TRAPPC9: variants seen among roughly 807,000 people sequenced by gnomAD.
The protein encoded by TRAPPC9 is IKK2 binding protein.
In TRAPPC9, 83 loss-of-function variants were observed where a neutral mutation model predicts 124.0. The observed-to-expected ratio is 0.67, with a 90% confidence interval of 0.56 to 0.80. The LOEUF (loss-of-function observed/expected upper bound fraction) is 0.80. Among genes scored for constraint, TRAPPC9 ranks in the 30% least tolerant of loss-of-function variants. TRAPPC9 has a pLI of 0.00. For synonymous variants in TRAPPC9, 638 were observed against 617.5 expected (o/e 1.03, Z -0.49); for missense variants, 1,302 against 1,508.3 (o/e 0.86, Z 2.27).
chr8:140,305,982 G>A (rs1164002222), intron 10 of TRAPPC9, among the ~76,000 whole-genome samples: 2 of 152,174 alleles, frequency 1.3e-5, no homozygotes, highest in East Asian at 1.9e-4. Flanking sequence ...CATGAAGGGG[G>A]TTTATTGGTG....
At chr8:140,334,803 T>G (rs886692842) in intron 9 of TRAPPC9, among the ~76,000 whole-genome samples, 3 of 151,950 alleles carry the variant, frequency 2.0e-5, no homozygotes, top group Admixed American at 2.0e-4. Context: ...GGGAATCGGA[T>G]AGGTAAATTA....
At chr8:140,270,541 G>C (rs1275498372) in intron 15 of TRAPPC9, among the ~76,000 whole-genome samples, 1 of 152,214 alleles carries the variant, frequency 6.6e-6, no homozygotes, top group Non-Finnish European at 1.5e-5. Flanking sequence ...ATTAGAGAAA[G>C]AGACCAATAA....
chr8:140,334,346 T>C (rs796269615), intron 9 of TRAPPC9, among the ~76,000 whole-genome samples: 5 of 151,760 alleles, frequency 3.3e-5, no homozygotes, highest in African/African-American at 1.2e-4. Context: ...AGAAAGGCAA[T>C]GTGAAATTAA....
rs1383817207 is a variant in TRAPPC9 at position 140,182,339 on chromosome 8, A to G, written c.2556+39120T>C. 1.3e-5 allele frequency among the ~76,000 whole-genome samples: 2 copies of G among 152,162 alleles called. No individual in the cohort carries two copies. Among genetic ancestry groups the G allele is most frequent in the Non-Finnish European group, 2.9e-5 (2 of 68,022 alleles). On this transcript the variant is annotated intron_variant, in intron 17 of 22. Transcript: ENST00000438773. This position sits in a 1 kb window ranked among gnomAD's most constrained non-coding sequence, Gnocchi z 4.0. Reference sequence around the variant, plus strand: ...CTACATATTTCAACTAAAAAAAAAAAAAAATACGGCTTGGGAATGTTGGCT... The same window carrying G: ...CTACATATTTCAACTAAAAAAAAAAGAAAATACGGCTTGGGAATGTTGGCT...
At chr8:139,824,764 T>C (rs1004162392) in intron 21 of TRAPPC9, among the ~76,000 whole-genome samples, 1 of 152,118 alleles carries the variant, frequency 6.6e-6, no homozygotes, top group African/African-American at 2.4e-5. Flanking sequence ...GGTTTTGCCA[T>C]GTTGGCAAGG....
chr8:139,893,583 G>A (rs1023202282), intron 20 of TRAPPC9, among the ~76,000 whole-genome samples: 2 of 152,226 alleles, frequency 1.3e-5, no homozygotes, highest in African/African-American at 4.8e-5. Context: ...CATAAACATG[G>A]ATTAAATAAT....
chr8:139,796,771 A>G (rs186088266), intron 21 of TRAPPC9, among the ~76,000 whole-genome samples: 2 of 152,358 alleles, frequency 1.3e-5, no homozygotes, highest in East Asian at 3.9e-4. Context: ...ATCCAGAAGT[A>G]GAAGTTCTGG....
chr8:140,071,337 G>C (rs769152191), intron 17 of TRAPPC9, among the ~76,000 whole-genome samples: 3 of 152,184 alleles, frequency 2.0e-5, no homozygotes, highest in Non-Finnish European at 2.9e-5. Context: ...CGGTCATGCT[G>C]CTCAGTCCCT....
intron 5 of TRAPPC9, among the ~76,000 whole-genome samples, chr8:140,421,773 T>G (rs1458881286): frequency 6.6e-6 from 1 of 152,104 alleles, no homozygotes; most frequent in Non-Finnish European, 1.5e-5. Context: ...TCAAATACTG[T>G]TTTTGAACTT....
chr8:140,246,883 G>T (rs533952537), intron 16 of TRAPPC9, among the ~76,000 whole-genome samples: 3 of 152,146 alleles, frequency 2.0e-5, no homozygotes, highest in Admixed American at 2.0e-4. Flanking sequence ...TACTTGGGAG[G>T]CTGAGGCAGG....
chr8:140,339,659 T>C (rs1442223761), intron 9 of TRAPPC9, among the ~76,000 whole-genome samples: 5 of 152,164 alleles, frequency 3.3e-5, no homozygotes, highest in Non-Finnish European at 7.4e-5. Flanking sequence ...CTGCATGCCC[T>C]TTTCCAGTTC....
intron 17 of TRAPPC9, among the ~76,000 whole-genome samples, chr8:140,069,598 C>A (rs931732129): frequency 6.6e-6 from 1 of 152,272 alleles, no homozygotes; most frequent in African/African-American, 2.4e-5. Context: ...CCCCACAATA[C>A]AGCATCACTT....
At chr8:140,060,193 C>T (rs1012524758) in intron 17 of TRAPPC9, among the ~76,000 whole-genome samples, 12 of 152,226 alleles carry the variant, frequency 7.9e-5, no homozygotes, top group African/African-American at 2.9e-4. Context: ...GTAGCCTTCA[C>T]CCTGGGGCCA....
chr8:140,177,152 C>T (rs544889353), intron 17 of TRAPPC9, among the ~76,000 whole-genome samples: 2 of 152,176 alleles, frequency 1.3e-5, no homozygotes, highest in South Asian at 4.2e-4. Context: ...ATTTTGATGA[C>T]GTCTAATTTA....
At position 140,354,238 on chromosome 8, in the gene TRAPPC9, G is replaced by C. The variant is rs559041216; in HGVS notation, c.1495+5812C>G. 3.3e-5 allele frequency among the ~76,000 whole-genome samples: 5 copies of C among 152,302 alleles called. No homozygotes were observed. In the South Asian group the frequency reaches 1.0e-3, roughly 32 times the overall value. On this transcript the variant is annotated intron_variant, in intron 9 of 22. Coordinates refer to ENST00000438773, the MANE Select transcript of TRAPPC9 (RefSeq NM_001160372.4). ...CCATGCAGTTCACAGGACCAGGTTT[G>C]CATGCACAACCCATGAGGCTTCAGA...
chr8:139,847,974 G>A (rs1035382537), intron 21 of TRAPPC9, among the ~76,000 whole-genome samples: 5 of 152,236 alleles, frequency 3.3e-5, no homozygotes, highest in African/African-American at 4.8e-5. Flanking sequence ...CCTGGGGCAC[G>A]TGGGGCCTGG....
chr8:140,133,606 G>A (rs1159506564), intron 17 of TRAPPC9, among the ~76,000 whole-genome samples: 2 of 152,088 alleles, frequency 1.3e-5, no homozygotes, highest in African/African-American at 4.8e-5. Flanking sequence ...AATTAGAAAG[G>A]AAGAAGTAAA....
At chr8:139,923,028 T>C (rs1832603784) in intron 19 of TRAPPC9, among the ~76,000 whole-genome samples, 1 of 152,174 alleles carries the variant, frequency 6.6e-6, no homozygotes, top group Non-Finnish European at 1.5e-5. Flanking sequence ...AGTCAAGCCC[T>C]ACAACAGCTT....
intron 9 of TRAPPC9, among the ~76,000 whole-genome samples, chr8:140,357,274 C>G (rs531390212): frequency 6.6e-6 from 1 of 152,012 alleles, no homozygotes; most frequent in East Asian, 1.9e-4. Context: ...GGAGGTGCAC[C>G]GGCCCTGCTG....
Sources: gnomAD v4.1 joint callset for allele counts (sites outside exome capture counted in the v4.1 genomes callset) on GRCh38, gnomAD v4.1.1 for gene constraint, Gnocchi (gnomAD v3.1) non-coding constraint, MANE v1.5 for transcripts, NCBI Gene and HGNC (gene_info 2026-07-23, HGNC 2026-07-21) for gene names.